CGNL1: variants seen among roughly 807,000 people sequenced by gnomAD.
CGNL1 encodes the protein cingulin-like protein 1.
In CGNL1, 132 loss-of-function variants were observed where a neutral mutation model predicts 141.2. That is an observed-to-expected ratio of 0.93 (90% CI 0.81 to 1.08). The LOEUF (loss-of-function observed/expected upper bound fraction) is 1.08. Ranked by LOEUF, CGNL1 falls within the 50% of genes least tolerant of loss-of-function variation. The pLI is 0.00. For synonymous variants in CGNL1, 690 were observed against 622.1 expected, an observed-to-expected ratio of 1.11 and a Z score of -1.63; for missense variants, 1,870 against 1,588.6, an observed-to-expected ratio of 1.18 and a Z score of -3.01.
At chr15:57,465,313 G>A (rs1995989) in intron 8 of CGNL1, among the ~76,000 whole-genome samples, 85,863 of 150,412 alleles carry the variant, frequency 0.57, 24,583 homozygotes, top group Non-Finnish European at 0.6. Flanking sequence ...TTAAATATGT[G>A]CTCTTACACT....
rs1567116751 is a variant in CGNL1 at position 57,438,606 on chromosome 15, C to A, written c.607C>A (p.Pro203Thr). The A allele has an allele frequency of 6.2e-7, 1 of 1,613,894 alleles. No individual in the cohort carries two copies. Among genetic ancestry groups the A allele is most frequent in the Non-Finnish European group, 8.5e-7 (1 of 1,180,040 alleles). Residue 203 changes from proline (P) to threonine (T), a missense_variant, in exon 2 of 19, where the codon CCC becomes ACC. Physicochemically the swap from Pro to Thr is conservative, Grantham distance 38 (BLOSUM62 -1). Coordinates refer to ENST00000281282, the MANE Select transcript of CGNL1 (RefSeq NM_032866.5). ...PKPSNSQPTS[P>T]SLEDPAKSGV... ...ACCTAGCAATTCCCAGCCTACCAGTCCCTCCTTGGAAGACCCGGCCAAATC... is the reference window on the plus strand; with the variant it reads ...ACCTAGCAATTCCCAGCCTACCAGTACCTCCTTGGAAGACCCGGCCAAATC...
intron 1 of CGNL1, chr15:57,405,048 T>C (rs1218207097): frequency 2.0e-5 from 3 of 152,212 alleles, no homozygotes; most frequent in Non-Finnish European, 4.4e-5. Flanking sequence ...ACATTTGTAT[T>C]GGTGCTTTCT....
At chr15:57,527,884 T>C (rs2031712090) in intron 12 of CGNL1, among the ~76,000 whole-genome samples, 1 of 152,204 alleles carries the variant, frequency 6.6e-6, no homozygotes, top group Admixed American at 6.5e-5. Flanking sequence ...GTGATACAGG[T>C]AGACAATAAA....
intron 14 of CGNL1, among the ~76,000 whole-genome samples, chr15:57,539,051 G>A (rs1297470063): frequency 6.6e-6 from 1 of 152,072 alleles, no homozygotes; most frequent in Non-Finnish European, 1.5e-5. Flanking sequence ...CCAGCTTGAG[G>A]GGCTCTTGAT....
At chr15:57,497,615 G>A (rs1230951792) in intron 8 of CGNL1, among the ~76,000 whole-genome samples, 2 of 152,226 alleles carry the variant, frequency 1.3e-5, no homozygotes, top group East Asian at 3.9e-4. Context: ...GCTTACCACA[G>A]AATGAGGTGA....
chr15:57,461,793 A>G lies in CGNL1; in HGVS notation c.2304A>G (p.Lys768=). 6.2e-7 allele frequency: 1 copy of G among 1,614,142 alleles called. No individual in the cohort carries two copies. Among genetic ancestry groups the G allele is most frequent in the Non-Finnish European group, 8.5e-7 (1 of 1,180,018 alleles). ...RELTALKGAL[K]EEVSSHDQEM... ...TCACCGCCCTGAAGGGAGCCCTGAA[A>G]GAAGAGGTTTCCAGCCATGATCAGG... is the stretch of plus-strand genomic sequence containing the variant. The change falls in exon 8 of 19, where the codon AAA becomes AAG. Residue 768 remains lysine, a synonymous_variant. Transcript: ENST00000281282.
intron 1 of CGNL1, among the ~76,000 whole-genome samples, chr15:57,413,207 C>CTCTCTTCG (rs2062811185): frequency 3.5e-5 from 1 of 28,476 alleles, no homozygotes; most frequent in South Asian, 9.1e-4. Context: ...TTCTCTCTTT[C>CTCTCTTCG]TCTCTTCCTC....
intron 1 of CGNL1, among the ~76,000 whole-genome samples, chr15:57,411,446 TC>T (rs1310519201): frequency 2.0e-5 from 3 of 150,070 alleles, no homozygotes; most frequent in African/African-American, 7.4e-5. Context: ...TTTTTCTTTT[TC>T]TTTTTTTTTT....
In CGNL1 at chr15:57,444,016, A is replaced by T. The variant is rs73419933; in HGVS notation, c.1803+1538A>T. ...TATCTGTACAGTTCATTGAATTTTT[A>T]ACATAGTTTTGCATCCATGCAAATC... On this transcript the variant is annotated intron_variant, in intron 4 of 18. Coordinates refer to ENST00000281282, the MANE Select transcript of CGNL1 (RefSeq NM_032866.5). 9.4e-3 allele frequency among the ~76,000 whole-genome samples: 1,425 copies of T among 152,284 alleles called. 22 individuals carry two copies. The highest frequency in any genetic ancestry group is 0.031 in the African/African-American group (1,307 of 41,556).
intron 8 of CGNL1, among the ~76,000 whole-genome samples, chr15:57,483,926 C>G (rs879282643): frequency 1.3e-5 from 2 of 152,286 alleles, no homozygotes; most frequent in East Asian, 3.9e-4. Flanking sequence ...ACCAGCCTAG[C>G]ATTCCTGGAA....
At chr15:57,472,080 G>GA (rs1470099523) in intron 8 of CGNL1, among the ~76,000 whole-genome samples, 10 of 151,648 alleles carry the variant, frequency 6.6e-5, no homozygotes, top group African/African-American at 2.4e-4. Flanking sequence ...TCAGAAAAAA[G>GA]AAAAAAATAT....
At chr15:57,475,722 G>T (rs1379792564) in intron 8 of CGNL1, among the ~76,000 whole-genome samples, 1 of 152,020 alleles carries the variant, frequency 6.6e-6, no homozygotes, top group East Asian at 1.9e-4. Flanking sequence ...TGTCTTTTCT[G>T]ACCTGCTGTC....
chr15:57,446,257 A>G (rs1034391727), intron 4 of CGNL1, among the ~76,000 whole-genome samples: 3 of 152,294 alleles, frequency 2.0e-5, no homozygotes, highest in African/African-American at 7.2e-5. Context: ...CCATCTATAC[A>G]GTTCATTGAA....
chr15:57,378,361 G>GTTTTTT, intron 1 of CGNL1, among the ~76,000 whole-genome samples: 1 of 42,854 alleles, frequency 2.3e-5, no homozygotes, highest in Admixed American at 2.4e-4. Flanking sequence ...GGCCCTCTAT[G>GTTTTTT]TGTTTTTTTT....
At chr15:57,405,907 C>G (rs1158741676) in intron 1 of CGNL1, 1 of 145,176 alleles carries the variant, frequency 6.9e-6, no homozygotes, top group Non-Finnish European at 1.5e-5. Context: ...TCTTTTTTTC[C>G]TAGTGGGGCT....
At chr15:57,498,004 C>T (rs1218908148) in intron 8 of CGNL1, among the ~76,000 whole-genome samples, 5 of 152,084 alleles carry the variant, frequency 3.3e-5, no homozygotes, top group African/African-American at 9.7e-5. Context: ...GAAAGCAGCC[C>T]GTCCACAGGT....
chr15:57,451,877 A>G (rs1247099882), intron 5 of CGNL1, among the ~76,000 whole-genome samples: 1 of 152,198 alleles, frequency 6.6e-6, no homozygotes, highest in African/African-American at 2.4e-5. Context: ...AAATGTATAT[A>G]AAACATCTGA....
chr15:57,468,187 A>T (rs1264478679), intron 8 of CGNL1, among the ~76,000 whole-genome samples: 2 of 150,928 alleles, frequency 1.3e-5, no homozygotes, highest in African/African-American at 4.9e-5. Flanking sequence ...CAAATGTGTG[A>T]AGTTTTTTCT....
intron 8 of CGNL1, among the ~76,000 whole-genome samples, chr15:57,505,987 G>T (rs1331754598): frequency 6.6e-6 from 1 of 152,198 alleles, no homozygotes; most frequent in Non-Finnish European, 1.5e-5. Context: ...AGGGGTGCAG[G>T]GCAGAACTGT....
Sources: allele counts gnomAD v4.1 joint callset (sites outside exome capture counted in the v4.1 genomes callset), GRCh38; gene constraint gnomAD v4.1.1; transcripts MANE v1.5; gene names NCBI Gene and HGNC (gene_info 2026-07-23, HGNC 2026-07-21).